The following PLEKHG1 variants were observed in gnomAD, a reference collection of about 807,000 sequenced individuals.
The protein encoded by PLEKHG1 is pleckstrin homology domain-containing family G member 1.
PLEKHG1 carries 44 observed loss-of-function variants against 100.8 expected under a neutral mutation model. The ratio of observed to expected loss-of-function variants is 0.44; its 90% confidence interval spans 0.34 to 0.56. The LOEUF is 0.56. Among genes scored for constraint, PLEKHG1 ranks in the 20% least tolerant of loss-of-function variants. The pLI is 0.01. For synonymous variants in PLEKHG1, 640 were observed against 662.5 expected (o/e 0.97, Z 0.52); for missense variants, 1,545 against 1,720.9 (o/e 0.90, Z 1.81).
At chr6:150,629,320 A>T (rs1777647084) in intron 1 of PLEKHG1, among the ~76,000 whole-genome samples, 1 of 152,198 alleles carries the variant, frequency 6.6e-6, no homozygotes, top group South Asian at 2.1e-4. Flanking sequence ...TTTAAACCTA[A>T]AGCCTCAACA....
At chr6:150,634,842 G>A (rs1427796161) in intron 1 of PLEKHG1, among the ~76,000 whole-genome samples, 2 of 152,152 alleles carry the variant, frequency 1.3e-5, no homozygotes, top group African/African-American at 4.8e-5. Context: ...CAGCATCTTT[G>A]CCTAAAAGTT....
chr6:150,768,830 T>C lies in PLEKHG1; in HGVS notation c.512+92T>C, dbSNP rs1784574288. ...CCTAAGAAACTTTACCTGTAACCCC[T>C]GACTCAGCTTCATATATTTTTGTGG... On this transcript the variant is annotated intron_variant, in intron 3 of 15. Coordinates refer to ENST00000358517, the Ensembl canonical transcript of PLEKHG1. The C allele has an allele frequency of 5.5e-6, 4 of 721,980 alleles. No homozygotes were observed. The Admixed American group carries it at 9.3e-5, about 17-fold the overall frequency. 44.7% of individuals were successfully genotyped at this position (721,980 alleles called of 1,614,324 possible).
intron 1 of PLEKHG1, among the ~76,000 whole-genome samples, chr6:150,621,463 C>T (rs1187520698): frequency 6.6e-6 from 1 of 152,012 alleles, no homozygotes; most frequent in Admixed American, 6.6e-5. Flanking sequence ...CAACCTCCAC[C>T]TCCTGGGTTC....
chr6:150,627,933 T>C (rs1464845304), intron 1 of PLEKHG1, among the ~76,000 whole-genome samples: 1 of 152,220 alleles, frequency 6.6e-6, no homozygotes, highest in Non-Finnish European at 1.5e-5. Flanking sequence ...TGCTGAGTAA[T>C]ATGCAGGGCG....
chr6:150,823,431 A>G (rs532005046), intron 13 of PLEKHG1, among the ~76,000 whole-genome samples: 5 of 152,310 alleles, frequency 3.3e-5, no homozygotes, highest in Non-Finnish European at 2.9e-5. Context: ...ATTAAGGAAG[A>G]CAACTAGTGC....
intron 15 of PLEKHG1, among the ~76,000 whole-genome samples, chr6:150,832,782 GCAGTCCTCCCACCT>G (rs1427395181): frequency 6.8e-6 from 1 of 146,216 alleles, no homozygotes; most frequent in Non-Finnish European, 1.5e-5. Flanking sequence ...CCAGGCTCAA[GCAGTCCTCCCACCT>G]CAGCCTCCTG....
At chr6:150,695,208 C>T (rs1268331312) in intron 3 of PLEKHG1, among the ~76,000 whole-genome samples, 1 of 152,150 alleles carries the variant, frequency 6.6e-6, no homozygotes, top group Admixed American at 6.5e-5. Flanking sequence ...CTCTGATTTC[C>T]ATTTTCTTTG....
intron 2 of PLEKHG1, among the ~76,000 whole-genome samples, chr6:150,743,221 A>G (rs1159506116): frequency 2.0e-5 from 3 of 152,144 alleles, no homozygotes; most frequent in Non-Finnish European, 4.4e-5. Flanking sequence ...CACCCTCACT[A>G]AAAATAAAAA....
chr6:150,827,632 A>T lies in PLEKHG1; in HGVS notation c.1471-2950A>T. ...CCTTAAAAAGATACTTCAGCGGCAC[A>T]GCTGGCTTGAGCAACTGAACTGGAA... On this transcript the variant is annotated intron_variant, in intron 14 of 15. Transcript: ENST00000358517. 1.1e-5 allele frequency: 9 copies of T among 796,508 alleles called. No homozygotes were observed. In the Admixed American group the frequency reaches 1.6e-4, roughly 14 times the overall value. The allele number at this position is 796,508 out of a possible 1,614,324, so 49.3% of individuals were successfully genotyped here.
intron 3 of PLEKHG1, among the ~76,000 whole-genome samples, chr6:150,777,845 T>G (rs1329768132): frequency 6.6e-6 from 1 of 152,286 alleles, no homozygotes; most frequent in Non-Finnish European, 1.5e-5. Context: ...CTGTTGCACG[T>G]TAGTTACACT....
At chr6:150,819,903 C>A in intron 12 of PLEKHG1, 129 bp downstream of exon 13, 1 of 668,486 alleles carries the variant, frequency 1.5e-6, no homozygotes. Context: ...ACATTTGCGG[C>A]TGCCTTAAGA....
chr6:150,821,062 A>G, intron 12 of PLEKHG1, 133 bp from the exon 14 acceptor site: 1 of 678,130 alleles, frequency 1.5e-6, no homozygotes, highest in Non-Finnish European at 2.6e-6. Context: ...AGCAATGGGG[A>G]TTTTGTTAAA....
chr6:150,792,373 C>CA lies in PLEKHG1; in HGVS notation c.583-3476dup, dbSNP rs1181774887. Among the ~76,000 whole-genome samples, 33 of 148,958 alleles carry CA rather than the reference C, an allele frequency of 2.2e-4. 2 individuals carry two copies. The South Asian group carries it at 6.2e-3, about 28-fold the overall frequency. ...CTCAGTCTCCAAAAAAAAAAAAAAC[C>CA]AAAAAAACACCACTTCCTGGCTGGG... On this transcript the variant is annotated intron_variant, in intron 4 of 15. Transcript: ENST00000358517.
At chr6:150,805,751 T>C (rs1273173794) in intron 7 of PLEKHG1, among the ~76,000 whole-genome samples, 1 of 152,060 alleles carries the variant, frequency 6.6e-6, no homozygotes, top group Non-Finnish European at 1.5e-5. Flanking sequence ...TGTCTTGAAC[T>C]CCTAACCTCT....
chr6:150,819,742 G>T (rs1776190563), exon 12 of PLEKHG1: 2 of 1,610,512 alleles, frequency 1.2e-6, no homozygotes, highest in Non-Finnish European at 1.7e-6. Flanking sequence ...TCTAAAGAAG[G>T]TTCTGCTCCA....
At chr6:150,745,281 T>C (rs1339604657) in intron 2 of PLEKHG1, among the ~76,000 whole-genome samples, 3 of 152,196 alleles carry the variant, frequency 2.0e-5, no homozygotes, top group African/African-American at 7.2e-5. Flanking sequence ...ACAGTGAAAA[T>C]GCAGTATTAT....
chr6:150,662,521 T>G (rs934749202), intron 3 of PLEKHG1: 1 of 152,306 alleles, frequency 6.6e-6, no homozygotes, highest in African/African-American at 2.4e-5. Context: ...GCTCAAGTGA[T>G]TCTCCTGCTT....
chr6:150,682,827 G>A (rs1021944967), intron 3 of PLEKHG1, among the ~76,000 whole-genome samples: 2 of 152,108 alleles, frequency 1.3e-5, no homozygotes, highest in African/African-American at 4.8e-5. Flanking sequence ...TAATTCCTGA[G>A]TCCTGCCCCC....
intron 2 of PLEKHG1, among the ~76,000 whole-genome samples, chr6:150,759,079 A>C (rs968708471): frequency 1.3e-5 from 2 of 152,168 alleles, no homozygotes; most frequent in African/African-American, 2.4e-5. Flanking sequence ...GTCCATAAAG[A>C]GGGATCAAGT....
Sources: gnomAD v4.1 joint callset for allele counts (sites outside exome capture counted in the v4.1 genomes callset) on GRCh38, gnomAD v4.1.1 for gene constraint, MANE v1.5 for transcripts, NCBI Gene and HGNC (gene_info 2026-07-23, HGNC 2026-07-21) for gene names.